The following ANKS1A variants were observed in gnomAD, a reference collection of about 807,000 sequenced individuals.
ANKS1A encodes ankyrin repeat and sterile alpha motif domain containing 1A, also known as ankyrin repeat and SAM domain-containing protein 1A.
ANKS1A carries 55 observed loss-of-function variants against 120.3 expected under a neutral mutation model. The ratio of observed to expected loss-of-function variants is 0.46; its 90% CI spans 0.37 to 0.57. ANKS1A has a LOEUF of 0.57. Ranked by LOEUF, ANKS1A falls within the 20% of genes least tolerant of loss-of-function variation. ANKS1A has a pLI of 0.00. For missense variants in ANKS1A, 1,123 were observed against 1,480.3 expected, an observed-to-expected ratio of 0.76 and a Z score of 3.96; for synonymous variants, 590 against 604.7, an observed-to-expected ratio of 0.98 and a Z score of 0.36.
chr6:35,097,381 T>C, the ANKS1A span, among the ~76,000 whole-genome samples: 5 of 151,820 alleles, frequency 3.3e-5, no homozygotes, highest in African/African-American at 7.3e-5. Context: ...TGGTGGCAGG[T>C]GCCTGTAATC....
At chr6:35,096,541 T>A in the ANKS1A span, among the ~76,000 whole-genome samples, 1 of 152,232 alleles carries the variant, frequency 6.6e-6, no homozygotes, top group Non-Finnish European at 1.5e-5. Context: ...GTTATGCGTG[T>A]CTGTAAATGA....
downstream of ANKS1A, among the ~76,000 whole-genome samples, chr6:35,096,385 C>T (rs951706348): frequency 6.6e-6 from 1 of 152,212 alleles, no homozygotes; most frequent in African/African-American, 2.4e-5. Context: ...CTGGTTTCTA[C>T]AGAATTTATA....
chr6:35,039,099 G>GA (rs1036146427), intron 11 of ANKS1A, among the ~76,000 whole-genome samples: 1 of 151,034 alleles, frequency 6.6e-6, no homozygotes, highest in African/African-American at 2.4e-5. Context: ...TGTGGGGGGG[G>GA]GTTATATGCA....
At chr6:34,971,484 A>C (rs1047736157) in intron 3 of ANKS1A, among the ~76,000 whole-genome samples, 6 of 152,154 alleles carry the variant, frequency 3.9e-5, no homozygotes, top group African/African-American at 7.2e-5. Context: ...TTATATGATA[A>C]GCCATTCTCC....
At chr6:35,037,985 G>A (rs959209336) in intron 11 of ANKS1A, among the ~76,000 whole-genome samples, 10 of 152,210 alleles carry the variant, frequency 6.6e-5, no homozygotes, top group Non-Finnish European at 2.9e-5. Flanking sequence ...GCACGATGGA[G>A]TGAATGAAAA....
chr6:34,917,923 C>T (rs891463840), intron 1 of ANKS1A, among the ~76,000 whole-genome samples: 2 of 152,222 alleles, frequency 1.3e-5, no homozygotes, highest in African/African-American at 2.4e-5. Flanking sequence ...CAGCTGCCCT[C>T]CTTTCACCTG....
At chr6:35,012,140 C>T (rs1773793165) in intron 10 of ANKS1A, among the ~76,000 whole-genome samples, 1 of 152,120 alleles carries the variant, frequency 6.6e-6, no homozygotes, top group South Asian at 2.1e-4. Flanking sequence ...TTCAAACTAG[C>T]CTAAATCCCA....
chr6:35,081,276 C>A, intron 17 of ANKS1A, 118 bp downstream of exon 17: 1 of 1,339,358 alleles, frequency 7.5e-7, no homozygotes, highest in Non-Finnish European at 9.9e-7. Context: ...GCACCAGAGT[C>A]AGGAGGCACT....
intron 1 of ANKS1A, among the ~76,000 whole-genome samples, chr6:34,903,329 A>G (rs1767458658): frequency 6.6e-6 from 1 of 151,908 alleles, no homozygotes; most frequent in African/African-American, 2.4e-5. Flanking sequence ...TTAACAGGCA[A>G]ATCATCATGT....
intron 10 of ANKS1A, among the ~76,000 whole-genome samples, chr6:35,009,319 A>C (rs911449602): frequency 6.6e-6 from 1 of 152,186 alleles, no homozygotes; most frequent in South Asian, 2.1e-4. Flanking sequence ...ACCATGGAAC[A>C]AAATGTATAG....
chr6:34,940,421 T>C (rs1289546630), intron 1 of ANKS1A, among the ~76,000 whole-genome samples: 1 of 152,190 alleles, frequency 6.6e-6, no homozygotes, highest in Non-Finnish European at 1.5e-5. Context: ...TGTGGGAATC[T>C]GCTTGTGACA....
chr6:34,896,426 T>C (rs1767087321), intron 1 of ANKS1A, among the ~76,000 whole-genome samples: 1 of 151,848 alleles, frequency 6.6e-6, no homozygotes, highest in Non-Finnish European at 1.5e-5. Context: ...AGGGCAGCCC[T>C]GTTCCTGCAT....
In ANKS1A at chr6:35,018,970, C is replaced by A. The variant is rs150890432; in HGVS notation, c.2010+911C>A. Reference sequence around the variant, plus strand: ...CAAATACTTCTTCCAGCAGAAGGGTCCTGCCCATCCCACATTCCCAGATTG... The same window carrying A: ...CAAATACTTCTTCCAGCAGAAGGGTACTGCCCATCCCACATTCCCAGATTG... On this transcript the variant is annotated intron_variant, in intron 11 of 23. Transcript: ENST00000360359. 1.1e-3 allele frequency among the ~76,000 whole-genome samples: 161 copies of A among 152,220 alleles called. 2 individuals are homozygous for A. Among genetic ancestry groups the A allele is most frequent in the African/African-American group, 3.7e-3 (153 of 41,524 alleles).
chr6:34,970,152 A>G lies in ANKS1A; in HGVS notation c.421A>G (p.Arg141Gly), dbSNP rs779511776. The G allele has an allele frequency of 5.6e-6, 9 of 1,613,580 alleles. No individual in the cohort carries two copies. The change falls in exon 3 of 24, where the codon AGA becomes GGA. Residue 141 changes from arginine (R) to glycine (G), a missense_variant. This residue lies in a region of ANKS1A where 146 missense variants were observed against 267.8 expected (regional missense o/e 0.55). Transcript: ENST00000360359. Reference protein sequence around the residue: ...LLIHQGPSHTRVNEQNNDNET... With the variant: ...LLIHQGPSHTGVNEQNNDNET... ...CATCCATCAAGGGCCTTCACACACCAGAGTCAATGAACAGGTCGGAAGGAA... is the reference window on the plus strand; with the variant it reads ...CATCCATCAAGGGCCTTCACACACCGGAGTCAATGAACAGGTCGGAAGGAA...
In ANKS1A at chr6:35,060,378, C is replaced by A; in HGVS notation, c.2184+125C>A. 1 of 785,446 alleles carries A rather than the reference C, an allele frequency of 1.3e-6. No individual in the cohort carries two copies. Among genetic ancestry groups the A allele is most frequent in the Non-Finnish European group, 2.1e-6 (1 of 487,554 alleles). The allele number at this position is 785,446 out of a possible 1,614,324, so 48.7% of individuals were successfully genotyped here. A position where few individuals can be genotyped will look rare whatever the true frequency, so the allele number is the denominator to read the frequency against. ...AGACCCAAATCCCAGGGAAAGCTCA[C>A]TGAGGTCACTCAGACACCAGGAAGT... On this transcript the variant is annotated intron_variant, in intron 13 of 23. Transcript: ENST00000360359. This position sits in a 1 kb window ranked among gnomAD's most constrained non-coding sequence, Gnocchi z 4.5.
chr6:35,090,512 A>ATCTT lies in ANKS1A; in HGVS notation c.*1905_*1908dup. On this transcript the variant is annotated 3_prime_UTR_variant, in exon 24 of 24. Transcript: ENST00000360359. Reference sequence around the variant, plus strand: ...TTCTTCTGCTTGAAGCTGCTATATCATCTTTATTTATTCAGGGTATTTTCA... The same window carrying ATCTT: ...TTCTTCTGCTTGAAGCTGCTATATCATCTTTCTTTATTTATTCAGGGTATTTTCA... 2 of 1,057,466 alleles carry ATCTT rather than the reference A, an allele frequency of 1.9e-6. No homozygotes were observed. The highest frequency in any genetic ancestry group is 3.1e-5 in the South Asian group (1 of 32,272). 65.5% of individuals were successfully genotyped at this position (1,057,466 alleles called of 1,614,324 possible). A position where few individuals can be genotyped will look rare whatever the true frequency, so the allele number is the denominator to read the frequency against.
chr6:35,039,811 G>A (rs969162083), intron 11 of ANKS1A: 7 of 304,040 alleles, frequency 2.3e-5, no homozygotes, highest in African/African-American at 1.3e-4. Context: ...TCAGGCTTCT[G>A]TAACAAAATA....
chr6:35,008,127 G>A (rs552789666), intron 10 of ANKS1A, among the ~76,000 whole-genome samples: 1 of 152,332 alleles, frequency 6.6e-6, no homozygotes, highest in Non-Finnish European at 1.5e-5. Context: ...ATACCCAGGA[G>A]TATGTTTGGA....
downstream of ANKS1A, among the ~76,000 whole-genome samples, chr6:35,094,249 C>G (rs139890336): frequency 4.6e-5 from 7 of 152,310 alleles, no homozygotes; most frequent in East Asian, 1.3e-3. Context: ...AGAAAACTCT[C>G]AATCTGAATT....
Sources: allele counts gnomAD v4.1 joint callset (sites outside exome capture counted in the v4.1 genomes callset), GRCh38; gene constraint gnomAD v4.1.1; regional missense constraint gnomAD v4.1.1; non-coding constraint Gnocchi (gnomAD v3.1); transcripts MANE v1.5; gene names NCBI Gene and HGNC (gene_info 2026-07-23, HGNC 2026-07-21).